The following TMF1 variants were observed in gnomAD, a reference collection of about 807,000 sequenced individuals.
TMF1 encodes the protein TATA element modulatory factor 1, also known as TATA element modulatory factor.
Under a neutral mutation model 126.5 loss-of-function variants are expected in TMF1, and 71 were observed. The observed-to-expected ratio is 0.56, with a 90% confidence interval of 0.46 to 0.68. The LOEUF (loss-of-function observed/expected upper bound fraction) is 0.68, where lower values mean the gene tolerates loss of function less well. Ranked by LOEUF, TMF1 falls within the 30% of genes least tolerant of loss-of-function variation. TMF1 has a pLI of 0.00. For synonymous variants in TMF1, 461 were observed against 430.5 expected (o/e 1.07, Z -0.88); for missense variants, 1,259 against 1,253.2 (o/e 1.00, Z -0.07).
intron 1 of TMF1, among the ~76,000 whole-genome samples, chr3:69,049,956 T>C (rs2091916923): frequency 6.6e-6 from 1 of 152,100 alleles, no homozygotes; most frequent in Non-Finnish European, 1.5e-5. Context: ...TATAGTAGAA[T>C]CTATCCTTTA....
In TMF1 at chr3:69,022,539, G is replaced by C. The variant is rs536538501; in HGVS notation, c.*638C>G. 3.9e-5 allele frequency: 6 copies of C among 152,594 alleles called. No homozygotes were observed. In the South Asian group the frequency reaches 1.2e-3, roughly 32 times the overall value. 9.5% of individuals were successfully genotyped at this position (152,594 alleles called of 1,614,324 possible). A position where few individuals can be genotyped will look rare whatever the true frequency, so the allele number is the denominator to read the frequency against. Reference sequence around the variant, plus strand: ...CCACATTTTATACAGACTTAATTGTGAAAGCTGGGTGAAATAAATTTTCAG... The same window carrying C: ...CCACATTTTATACAGACTTAATTGTCAAAGCTGGGTGAAATAAATTTTCAG... On this transcript the variant is annotated 3_prime_UTR_variant, in exon 17 of 17. Coordinates refer to ENST00000398559, the MANE Select transcript of TMF1 (RefSeq NM_007114.3).
intron 5 of TMF1, among the ~76,000 whole-genome samples, chr3:69,040,650 G>A (rs1232518007): frequency 6.6e-6 from 1 of 152,142 alleles, no homozygotes; most frequent in Non-Finnish European, 1.5e-5. Flanking sequence ...ATACTGGCCG[G>A]GTGCAGTGGC....
chr3:69,052,060 G>T lies in TMF1; in HGVS notation c.27C>A (p.Leu9=). The stretch of plus-strand genomic sequence containing the variant: ...ACAGGGCCTGCTTAGCGAAGCTGGA[G>T]AGCTGGGAGGCGTTGAACCAACTCA... MSWFNASQ[L]SSFAKQALSQ... Residue 9 remains leucine (L), a synonymous_variant, in exon 1 of 17, where the codon CTC becomes CTA. Coordinates refer to ENST00000398559, the MANE Select transcript of TMF1 (RefSeq NM_007114.3). 1 of 1,612,842 alleles carries T rather than the reference G, an allele frequency of 6.2e-7. No homozygotes were observed. Among genetic ancestry groups the T allele is most frequent in the Non-Finnish European group, 8.5e-7 (1 of 1,179,680 alleles).
intron 1 of TMF1, among the ~76,000 whole-genome samples, chr3:69,051,521 CACTG>C (rs1440111841): frequency 1.3e-5 from 2 of 152,212 alleles, no homozygotes; most frequent in South Asian, 4.1e-4. Flanking sequence ...GCGAAATGTT[CACTG>C]ACTGTTAGCG....
chr3:69,044,198 C>T (rs1423844236), intron 3 of TMF1, among the ~76,000 whole-genome samples: 4 of 152,168 alleles, frequency 2.6e-5, no homozygotes, highest in African/African-American at 9.7e-5. Context: ...TATAGCACAA[C>T]TGTGTTATTG....
intron 5 of TMF1, 126 bp downstream of exon 5, chr3:69,042,681 C>G: frequency 1.3e-6 from 1 of 770,256 alleles, no homozygotes; most frequent in East Asian, 2.6e-5. Context: ...TCACCTATTT[C>G]TATGGTTTAC....
At chr3:69,028,127 G>A (rs184452275) in intron 12 of TMF1, 99 bp downstream of exon 12, 2 of 1,179,870 alleles carry the variant, frequency 1.7e-6, no homozygotes, top group African/African-American at 1.5e-5. Context: ...AAAAGCAGTG[G>A]CATCACCCAT....
chr3:69,033,898 G>A (rs2091818310), intron 9 of TMF1, 194 bp from the exon 10 acceptor site: 2 of 463,130 alleles, frequency 4.3e-6, no homozygotes, highest in South Asian at 3.0e-5. Context: ...TGGCACAATC[G>A]TGGCTCACTG....
chr3:69,021,373 A>T lies in TMF1; in HGVS notation c.*1804T>A, dbSNP rs1321846779. ...TAATTCTATACATTTCTTATTGCTT[A>T]TCTGTCCTGTCATTCTGCCCTTGAA... is the stretch of plus-strand genomic sequence containing the variant. On this transcript the variant is annotated 3_prime_UTR_variant, in exon 17 of 17. Transcript: ENST00000398559. 6.6e-6 allele frequency: 1 copy of T among 152,580 alleles called. No homozygotes were observed. The highest frequency in any genetic ancestry group is 1.5e-5 in the Non-Finnish European group (1 of 68,024). 9.5% of individuals were successfully genotyped at this position (152,580 alleles called of 1,614,324 possible).
chr3:69,043,622 A>T, intron 4 of TMF1, 128 bp downstream of exon 4: 1 of 933,542 alleles, frequency 1.1e-6, no homozygotes, highest in Non-Finnish European at 1.5e-6. Flanking sequence ...TCTACAATTT[A>T]AATGTTAATA....
At position 69,020,344 on chromosome 3, in the gene TMF1, A is replaced by G. The variant is rs953241241; in HGVS notation, c.*2833T>C. On this transcript the variant is annotated 3_prime_UTR_variant, in exon 17 of 17. Coordinates refer to ENST00000398559, the MANE Select transcript of TMF1 (RefSeq NM_007114.3). Reference sequence around the variant, plus strand: ...CTGTACAACTGGCAATTCTCAAAAAATAGGTAAAAGAAATGTAAGAAATGG... The same window carrying G: ...CTGTACAACTGGCAATTCTCAAAAAGTAGGTAAAAGAAATGTAAGAAATGG... The G allele has an allele frequency of 6.6e-6, 1 of 152,204 alleles. No homozygotes were observed. Among genetic ancestry groups the G allele is most frequent in the Admixed American group, 6.5e-5 (1 of 15,284 alleles). The allele number at this position is 152,204 out of a possible 1,614,324, so 9.4% of individuals were successfully genotyped here.
chr3:69,026,996 A>G (rs1020774643), intron 13 of TMF1, among the ~76,000 whole-genome samples: 1 of 151,752 alleles, frequency 6.6e-6, no homozygotes, highest in East Asian at 1.9e-4. Context: ...TTATTTATTT[A>G]TTTATTTTTA....
intron 8 of TMF1, among the ~76,000 whole-genome samples, chr3:69,037,707 G>A (rs2091840374): frequency 6.6e-6 from 1 of 152,142 alleles, no homozygotes; most frequent in African/African-American, 2.4e-5. Flanking sequence ...TCAGGAGGCT[G>A]AGGCAGAAGA....
At chr3:69,036,729 G>A (rs1040904976) in intron 8 of TMF1, among the ~76,000 whole-genome samples, 2 of 152,122 alleles carry the variant, frequency 1.3e-5, no homozygotes, top group Non-Finnish European at 2.9e-5. Context: ...AAGGGCATAG[G>A]AGTCAATAAA....
rs1444503740 is a variant in TMF1, at chr3:69,048,127, C to T, written c.578G>A (p.Ser193Asn). ...KESDMKVPTV[S>N]LKVSESVIDV... ...AATTACACTTTCAGATACTTTCAAA[C>T]TTACAGTTGGCACCTTCATATCCGA... The change falls in exon 2 of 17, where the codon AGT (serine) becomes AAT (asparagine). Residue 193 changes from serine (S) to asparagine (N), a missense_variant. Coordinates refer to ENST00000398559, the MANE Select transcript of TMF1 (RefSeq NM_007114.3). The T allele has an allele frequency of 2.5e-6, 4 of 1,614,206 alleles. No individual in the cohort carries two copies. Among genetic ancestry groups the T allele is most frequent in the Non-Finnish European group, 3.4e-6 (4 of 1,180,036 alleles).
At position 69,023,225 on chromosome 3, in the gene TMF1, AT is replaced by A. The variant is rs1459788054; in HGVS notation, c.3233del (p.Asn1078IlefsTer7). ...ELRLDLEDVK[N>X]MYKTQIDELL... ...GTTCATCTATTTGAGTTTTGTACAT[AT>A]TTTTTACATCTTCGAGATCTAATCG... On this transcript the variant is annotated frameshift_variant, in exon 17 of 17. Transcript: ENST00000398559. LOFTEE classifies it high-confidence loss of function. The A allele has an allele frequency of 5.0e-6, 8 of 1,611,334 alleles. No homozygotes were observed. Among genetic ancestry groups the A allele is most frequent in the Non-Finnish European group, 5.9e-6 (7 of 1,178,392 alleles).
Position 69,047,484 on chromosome 3 carries a change from C to CTGT in TMF1, c.1218_1220dup (p.Gln407dup), listed in dbSNP as rs760625235. 6.2e-7 allele frequency: 1 copy of CTGT among 1,614,220 alleles called. No individual in the cohort carries two copies. The highest frequency in any genetic ancestry group is 2.2e-5 in the East Asian group (1 of 44,886). On this transcript the variant is annotated inframe_insertion, in exon 2 of 17. Transcript: ENST00000398559. Reference sequence around the variant, plus strand: ...GTGTGGAAGAAACCAAGATATCAGGCTGTTCACAGTTAACAGGAGTTGCAC... The same window carrying CTGT: ...GTGTGGAAGAAACCAAGATATCAGGCTGTTGTTCACAGTTAACAGGAGTTGCAC...
At chr3:69,042,984 C>T (rs953972285) in intron 4 of TMF1, 72 bp from the exon 5 acceptor site, 12 of 1,081,896 alleles carry the variant, frequency 1.1e-5, no homozygotes, top group Non-Finnish European at 1.6e-5. Context: ...ATTTCTCCCC[C>T]ATCCAAAGAA....
At chr3:69,034,346 G>A (rs1473803690) in intron 9 of TMF1, among the ~76,000 whole-genome samples, 3 of 151,996 alleles carry the variant, frequency 2.0e-5, no homozygotes, top group Admixed American at 6.6e-5. Context: ...GGTGGTGCAC[G>A]CCTGTAATCC....
Sources: allele counts gnomAD v4.1 joint callset (sites outside exome capture counted in the v4.1 genomes callset), GRCh38; gene constraint gnomAD v4.1.1; transcripts MANE v1.5; gene names NCBI Gene and HGNC (gene_info 2026-07-23, HGNC 2026-07-21).